The following SOCS7 variants were observed in gnomAD, a reference collection of about 807,000 sequenced individuals.
The protein encoded by SOCS7 is suppressor of cytokine signaling 7.
SOCS7 carries 18 observed loss-of-function variants against 58.9 expected under a neutral mutation model. The observed-to-expected ratio is 0.31, with a 90% confidence interval of 0.21 to 0.45. The LOEUF is 0.45. Among genes scored for constraint, SOCS7 ranks in the 20% least tolerant of loss-of-function variants. SOCS7 has a pLI of 1.00. For missense variants in SOCS7, 667 were observed against 837.3 expected (o/e 0.80, Z 2.51); for synonymous variants, 388 against 364.3 (o/e 1.06, Z -0.74).
chr17:38,388,546 C>CAGT (rs1430493149), intron 7 of SOCS7, among the ~76,000 whole-genome samples: 1 of 152,018 alleles, frequency 6.6e-6, no homozygotes, highest in East Asian at 1.9e-4. Context: ...CTGTGCAATT[C>CAGT]AGTGGTTTTT....
In SOCS7 at chr17:38,387,135, A is replaced by ATATATATATATATATATGTGTG. The variant is rs1567749229; in HGVS notation, c.1682-8156_1682-8155insTGTGTATATATATATATATATG. On this transcript the variant is annotated intron_variant, in intron 7 of 9. Coordinates refer to ENST00000612932, the MANE Select transcript of SOCS7 (RefSeq NM_014598.4). ...TATATATATATATATATATGTATGT[A>ATATATATATATATATATGTGTG]TATATATATATATATATGATTAATT... Among the ~76,000 whole-genome samples the ATATATATATATATATATGTGTG allele has an allele frequency of 2.3e-4, 22 of 94,304 alleles. 1 individual carries two copies. The highest frequency in any genetic ancestry group is 1.4e-3 in the African/African-American group (22 of 15,396). 61.9% of individuals were successfully genotyped at this position (94,304 alleles called of 152,430 possible).
In SOCS7 at chr17:38,363,903, C is replaced by T. The variant is rs2037752672; in HGVS notation, c.1046-849C>T. Among the ~76,000 whole-genome samples, 2 of 152,216 alleles carry T rather than the reference C, an allele frequency of 1.3e-5. 1 individual carries two copies. The highest frequency in any genetic ancestry group is 4.1e-4 in the South Asian group (2 of 4,820). On this transcript the variant is annotated intron_variant, in intron 2 of 9. Coordinates refer to ENST00000612932, the MANE Select transcript of SOCS7 (RefSeq NM_014598.4). ...TGTGCATCAGGCCTGCCAAAATAAC[C>T]GTATTCCTGGCTATCAGCTTGTGTT...
chr17:38,352,316 G>A lies in SOCS7; in HGVS notation c.264G>A (p.Ser88=), dbSNP rs1567732325. Residue 88 remains serine, a synonymous_variant, in exon 1 of 10, where the codon TCG becomes TCA. Transcript: ENST00000612932. This position sits in a 1 kb window ranked among gnomAD's most constrained non-coding sequence, Gnocchi z 5.5. ...DVEAAPEPGP[S]ELLCPRHRCA... ...AGGCGGCCCCGGAGCCGGGACCCTCGGAACTGCTGTGTCCCCGGCACCGCT... is the reference window on the plus strand; with the variant it reads ...AGGCGGCCCCGGAGCCGGGACCCTCAGAACTGCTGTGTCCCCGGCACCGCT... 6.7e-7 allele frequency: 1 copy of A among 1,483,140 alleles called. No homozygotes were observed. Among genetic ancestry groups the A allele is most frequent in the Non-Finnish European group, 8.9e-7 (1 of 1,127,396 alleles). 91.9% of individuals were successfully genotyped at this position (1,483,140 alleles called of 1,614,324 possible). A position where few individuals can be genotyped will look rare whatever the true frequency, so the allele number is the denominator to read the frequency against.
chr17:38,398,127 G>A (rs777867317), intron 9 of SOCS7, among the ~76,000 whole-genome samples: 1 of 152,062 alleles, frequency 6.6e-6, no homozygotes, highest in Non-Finnish European at 1.5e-5. Context: ...CCTTTTTGCT[G>A]TGACATCAGT....
chr17:38,381,002 A>G (rs2037993701), intron 7 of SOCS7, among the ~76,000 whole-genome samples: 1 of 152,240 alleles, frequency 6.6e-6, no homozygotes, highest in South Asian at 2.1e-4. Context: ...GCCAGAATTC[A>G]AACCTGGGCT....
rs923554432 is a variant in SOCS7, at chr17:38,352,515, C to G, written c.463C>G (p.Pro155Ala). 3 of 1,545,440 alleles carry G rather than the reference C, an allele frequency of 1.9e-6. No individual in the cohort carries two copies. Among genetic ancestry groups the G allele is most frequent in the African/African-American group, 2.7e-5 (2 of 72,892 alleles). Residue 155 changes from proline (P) to alanine (A), a missense_variant, in exon 1 of 10, where the codon CCT (proline) becomes GCT (alanine). Around this residue, in one of 9 missense-constraint regions of SOCS7, gnomAD observed 154 missense variants for 156.3 expected, o/e 0.98. Transcript: ENST00000612932. The surrounding 1 kb of genome is among the most constrained non-coding windows in gnomAD (Gnocchi z 5.5). ...GTGTCCGTGTCCTCCTCAGCCGCCC[C>G]CTCCGCAGCCCCAGCCGCCTGCTGC... ...CPCPCPPQPP[P>A]PQPQPPAAAP...
chr17:38,369,883 G>A (rs1019830030), intron 6 of SOCS7, among the ~76,000 whole-genome samples: 18 of 151,422 alleles, frequency 1.2e-4, no homozygotes, highest in Admixed American at 1.1e-3. Flanking sequence ...TCCGCTTCCT[G>A]GGTTCAAGCA....
intron 1 of SOCS7, among the ~76,000 whole-genome samples, 189 bp downstream of exon 1, chr17:38,353,221 G>T (rs1438125382): frequency 6.6e-6 from 1 of 152,216 alleles, no homozygotes; most frequent in Non-Finnish European, 1.5e-5. Flanking sequence ...CACTCTTAAA[G>T]AGTGCACACT....
At chr17:38,390,772 C>T (rs1247955453) in intron 7 of SOCS7, among the ~76,000 whole-genome samples, 2 of 146,998 alleles carry the variant, frequency 1.4e-5, no homozygotes, top group Non-Finnish European at 3.0e-5. Flanking sequence ...GGCTCACTAA[C>T]TACAACCTCC....
At chr17:38,365,179 A>C (rs76298048) in intron 3 of SOCS7, 129 bp from the exon 4 acceptor site, 3 of 656,098 alleles carry the variant, frequency 4.6e-6, no homozygotes, top group Non-Finnish European at 7.8e-6. Context: ...CTGTGCAAAA[A>C]GACTGGGTGA....
Position 38,402,625 on chromosome 17 carries a change from G to T in SOCS7, c.*3143G>T, listed in dbSNP as rs1052605667. 2 of 152,338 alleles carry T rather than the reference G, an allele frequency of 1.3e-5. No individual in the cohort carries two copies. Among genetic ancestry groups the T allele is most frequent in the Non-Finnish European group, 2.9e-5 (2 of 68,150 alleles). The allele number at this position is 152,338 out of a possible 1,614,324, so 9.4% of individuals were successfully genotyped here. Reference sequence around the variant, plus strand: ...TGCGCCTGTAGTCCCAGCTACTTGGGAGGCTGAGACAGGAGAATTGCTTGA... The same window carrying T: ...TGCGCCTGTAGTCCCAGCTACTTGGTAGGCTGAGACAGGAGAATTGCTTGA... On this transcript the variant is annotated 3_prime_UTR_variant, in exon 10 of 10. Coordinates refer to ENST00000612932, the MANE Select transcript of SOCS7 (RefSeq NM_014598.4).
intron 4 of SOCS7, 138 bp from the exon 5 acceptor site, chr17:38,366,149 C>T (rs2037786163): frequency 7.5e-7 from 1 of 1,330,906 alleles, no homozygotes; most frequent in Non-Finnish European, 1.0e-6. Context: ...TTTGCCACTG[C>T]TTTGGCTTCT....
chr17:38,377,911 C>T (rs2037952241), intron 7 of SOCS7, 69 bp downstream of exon 7: 10 of 1,485,764 alleles, frequency 6.7e-6, no homozygotes, highest in Non-Finnish European at 8.3e-6. Context: ...CAAAAAACAC[C>T]ATCCCCACAA....
Position 38,365,732 on chromosome 17 carries a change from T to G in SOCS7, c.1252+323T>G, listed in dbSNP as rs2037780783. The G allele has an allele frequency of 2.8e-5, 7 of 249,994 alleles. No homozygotes were observed. In the East Asian group the frequency reaches 5.6e-4, roughly 20 times the overall value. The allele number at this position is 249,994 out of a possible 1,614,324, so 15.5% of individuals were successfully genotyped here. The stretch of plus-strand genomic sequence containing the variant: ...TGCCTTAATTTCAGGATAGTGAGGT[T>G]TAATATGTTGGTGGTTTTCAGCATT... On this transcript the variant is annotated intron_variant, in intron 4 of 9. Coordinates refer to ENST00000612932, the MANE Select transcript of SOCS7 (RefSeq NM_014598.4).
intron 7 of SOCS7, among the ~76,000 whole-genome samples, chr17:38,392,285 A>G (rs943068338): frequency 6.6e-6 from 1 of 152,274 alleles, no homozygotes; most frequent in Non-Finnish European, 1.5e-5. Context: ...ATATGTGGTC[A>G]TTAAAATTCA....
chr17:38,389,906 T>TATATATATATGTACATATATATATATAG (rs1555571102), intron 7 of SOCS7, among the ~76,000 whole-genome samples: 2 of 103,480 alleles, frequency 1.9e-5, no homozygotes, highest in African/African-American at 9.4e-5. Context: ...TATACACATA[T>TATATATATATGTACATATATATATATAG]AGAGAGAGAG....
chr17:38,395,958 C>T lies in SOCS7; in HGVS notation c.1928C>T (p.Pro643Leu). 1 of 1,607,068 alleles carries T rather than the reference C, an allele frequency of 6.2e-7. No homozygotes were observed. Among genetic ancestry groups the T allele is most frequent in the Non-Finnish European group, 8.5e-7 (1 of 1,178,446 alleles). The change falls in exon 9 of 10, where the codon CCC (proline) becomes CTC (leucine). Residue 643 changes from proline to leucine, a missense_variant. Around this residue, in one of 9 missense-constraint regions of SOCS7, gnomAD observed 40 missense variants for 45.6 expected, o/e 0.88. Coordinates refer to ENST00000612932, the MANE Select transcript of SOCS7 (RefSeq NM_014598.4). ...TCCAAACAGAAGCAAGAGGTGGAAC[C>T]CTCCACGTAGCGAGGGGCTCCCTGC... The part of the protein sequence containing the change: ...LISKQKQEVE[P>L]ST
At chr17:38,358,995 A>G (rs1000197754) in intron 1 of SOCS7, among the ~76,000 whole-genome samples, 3 of 152,216 alleles carry the variant, frequency 2.0e-5, no homozygotes, top group Admixed American at 2.0e-4. Flanking sequence ...GGCACTGAAG[A>G]GACTCGTCCC....
intron 2 of SOCS7, among the ~76,000 whole-genome samples, chr17:38,363,154 AGGTC>A (rs2037742686): frequency 6.6e-6 from 1 of 151,640 alleles, no homozygotes; most frequent in South Asian, 2.1e-4. Context: ...TTTGAGGTTC[AGGTC>A]AGCCTCAGCC....
Sources: gnomAD v4.1 joint callset for allele counts (sites outside exome capture counted in the v4.1 genomes callset) on GRCh38, gnomAD v4.1.1 for gene constraint, gnomAD v4.1.1 regional missense constraint, Gnocchi (gnomAD v3.1) non-coding constraint, MANE v1.5 for transcripts, NCBI Gene and HGNC (gene_info 2026-07-23, HGNC 2026-07-21) for gene names.